The following CDH4 variants were observed in gnomAD, a reference collection of about 807,000 sequenced individuals.
The protein encoded by CDH4 is cadherin-4.
Under a neutral mutation model 86.0 loss-of-function variants are expected in CDH4, and 33 were observed. The ratio of observed to expected loss-of-function variants is 0.38; its 90% CI spans 0.29 to 0.51. The LOEUF is 0.51. Ranked by LOEUF, CDH4 falls within the 20% of genes least tolerant of loss-of-function variation. The pLI, the probability that CDH4 is intolerant of heterozygous loss-of-function variation, is 0.86. For missense variants in CDH4, 1,114 were observed against 1,307.4 expected (o/e 0.85, Z 2.28); for synonymous variants, 555 against 549.4 (o/e 1.01, Z -0.14).
At chr20:61,798,515 G>C (rs1979666807) in intron 4 of CDH4, among the ~76,000 whole-genome samples, 1 of 152,234 alleles carries the variant, frequency 6.6e-6, no homozygotes, top group Non-Finnish European at 1.5e-5. Flanking sequence ...GGGCCCCTCA[G>C]GAAGAAAACT....
intron 15 of CDH4, 143 bp from the exon 16 acceptor site, chr20:61,936,594 A>G (rs1261474343): frequency 3.7e-6 from 2 of 547,768 alleles, no homozygotes; most frequent in Non-Finnish European, 6.0e-6. Flanking sequence ...CTTCAGTTAA[A>G]TGCAGAGAGC....
chr20:61,828,571 A>T (rs1378505597), intron 4 of CDH4, among the ~76,000 whole-genome samples: 1 of 152,138 alleles, frequency 6.6e-6, no homozygotes, highest in African/African-American at 2.4e-5. Context: ...TTCGGAATCG[A>T]CTTCTTGCTC....
intron 2 of CDH4, among the ~76,000 whole-genome samples, chr20:61,366,519 G>A (rs140178119): frequency 2.3e-4 from 35 of 152,332 alleles, no homozygotes; most frequent in East Asian, 1.7e-3. Flanking sequence ...ATTTACCCAC[G>A]TATTTATTAA....
At chr20:61,908,035 C>A (rs2054809642) in intron 8 of CDH4, among the ~76,000 whole-genome samples, 1 of 152,228 alleles carries the variant, frequency 6.6e-6, no homozygotes, top group African/African-American at 2.4e-5. Flanking sequence ...TCCTACCAGA[C>A]CCAGAGCTGG....
intron 6 of CDH4, among the ~76,000 whole-genome samples, chr20:61,870,993 T>C (rs1983778856): frequency 6.6e-6 from 1 of 152,034 alleles, no homozygotes; most frequent in Non-Finnish European, 1.5e-5. Context: ...GACGCACCAG[T>C]GTATTTATCC....
chr20:61,263,203 A>G (rs1217118554), intron 2 of CDH4, among the ~76,000 whole-genome samples: 1 of 152,134 alleles, frequency 6.6e-6, no homozygotes, highest in Non-Finnish European at 1.5e-5. Flanking sequence ...GTGTCTGGCA[A>G]GCTGGGCTGG....
At chr20:61,853,425 C>G (rs548469000) in intron 6 of CDH4, among the ~76,000 whole-genome samples, 129 of 152,276 alleles carry the variant, frequency 8.5e-4, no homozygotes, top group African/African-American at 2.9e-3. Flanking sequence ...CGGACTCCCC[C>G]CACAGAGGCG....
intron 2 of CDH4, among the ~76,000 whole-genome samples, chr20:61,420,982 T>C (rs1352760054): frequency 1.3e-5 from 2 of 152,236 alleles, no homozygotes; most frequent in African/African-American, 4.8e-5. Context: ...TGGGGGATGA[T>C]AGGACAGTGA....
intron 2 of CDH4, among the ~76,000 whole-genome samples, chr20:61,385,030 G>C (rs186885986): frequency 2.4e-4 from 36 of 152,302 alleles, no homozygotes; most frequent in Middle Eastern, 3.4e-3. Flanking sequence ...CTCCAGGGAG[G>C]TTTTGCATTA....
intron 2 of CDH4, among the ~76,000 whole-genome samples, chr20:61,336,417 A>G (rs1214105744): frequency 6.6e-6 from 1 of 152,024 alleles, no homozygotes; most frequent in Non-Finnish European, 1.5e-5. Context: ...CTCCTCCACC[A>G]CAACCACCAC....
At chr20:61,299,988 C>A (rs1600847000) in intron 2 of CDH4, among the ~76,000 whole-genome samples, 1 of 152,172 alleles carries the variant, frequency 6.6e-6, no homozygotes, top group Admixed American at 6.5e-5. Flanking sequence ...GGGGCTGGAT[C>A]TCACAAGGGA....
chr20:61,643,148 CG>C (rs2087028477), intron 2 of CDH4, among the ~76,000 whole-genome samples: 1 of 151,988 alleles, frequency 6.6e-6, no homozygotes, highest in Non-Finnish European at 1.5e-5. Flanking sequence ...TGCATCTGGC[CG>C]GCTTCAGGTC....
chr20:61,923,452 C>G lies in CDH4; in HGVS notation c.1376C>G (p.Ala459Gly). Residue 459 changes from alanine (A) to glycine (G), a missense_variant and splice_region_variant, in exon 10 of 16, where the codon GCA becomes GGA. By Grantham distance (60) the Ala-to-Gly change is moderately conservative. Around this residue, in one of 3 missense-constraint regions of CDH4, gnomAD observed 705 missense variants for 914.1 expected, o/e 0.77. Transcript: ENST00000614565. Reference sequence around the variant, plus strand: ...CCCAGCCCTGATCTGTTGTTCCAGGCAGTCGACTACGAGCTCAACAGAGCT... The same window carrying G: ...CCCAGCCCTGATCTGTTGTTCCAGGGAGTCGACTACGAGCTCAACAGAGCT... ...TNEGMVTVVK[A>G]VDYELNRAFM... 6.2e-7 allele frequency: 1 copy of G among 1,614,038 alleles called. No individual in the cohort carries two copies. The highest frequency in any genetic ancestry group is 8.5e-7 in the Non-Finnish European group (1 of 1,179,954).
chr20:61,852,862 G>C lies in CDH4; in HGVS notation c.841G>C (p.Val281Leu), dbSNP rs78979746. ...CAACCGCCCTGAGTTCATCAACCAG[G>C]TCTACAACGGCTCCGTGGACGAGGG... ...NDNRPEFINQ[V>L]YNGSVDEGSK... Residue 281 changes from valine to leucine, a missense_variant, in exon 6 of 16, where the codon GTC (valine) becomes CTC (leucine). Val to Leu is a conservative substitution (Grantham distance 32). Around this residue, in one of 3 missense-constraint regions of CDH4, gnomAD observed 705 missense variants for 914.1 expected, o/e 0.77. Transcript: ENST00000614565. The C allele has an allele frequency of 1.6e-3, 2,642 of 1,614,026 alleles. 42 individuals carry two copies. The African/African-American group carries it at 0.032, about 20-fold the overall frequency.
chr20:61,721,328 G>C (rs1003837953), intron 2 of CDH4, among the ~76,000 whole-genome samples: 3 of 152,198 alleles, frequency 2.0e-5, no homozygotes, highest in African/African-American at 7.2e-5. Context: ...ATTAAGGCCA[G>C]GCATGGTTGG....
rs527534671 is a variant in CDH4 at position 61,931,247 on chromosome 20, C to T, written c.2239+1405C>T. On this transcript the variant is annotated intron_variant, in intron 13 of 15. Coordinates refer to ENST00000614565, the MANE Select transcript of CDH4 (RefSeq NM_001794.5). ...GCTTCCGTCGAGCCAAGACTAGGCC[C>T]GGGCTCCAGGCTCCAGGTTCTCACG... Among the ~76,000 whole-genome samples the T allele has an allele frequency of 2.0e-5, 3 of 152,366 alleles. No homozygotes were observed. The East Asian group carries it at 5.8e-4, about 29-fold the overall frequency.
chr20:61,549,911 C>G (rs770136664), intron 2 of CDH4, among the ~76,000 whole-genome samples: 1 of 152,176 alleles, frequency 6.6e-6, no homozygotes, highest in Non-Finnish European at 1.5e-5. Flanking sequence ...TCAGCTGCCA[C>G]CCCCCTCAGT....
chr20:61,856,539 C>A (rs1022688251), intron 6 of CDH4, among the ~76,000 whole-genome samples: 9 of 150,788 alleles, frequency 6.0e-5, no homozygotes, highest in Non-Finnish European at 1.2e-4. Context: ...CCCACCTCCC[C>A]CCGCCGGGAT....
intron 4 of CDH4, among the ~76,000 whole-genome samples, chr20:61,837,057 G>C (rs1429976231): frequency 6.6e-6 from 1 of 152,208 alleles, no homozygotes; most frequent in Non-Finnish European, 1.5e-5. Flanking sequence ...GGCCAGGTGT[G>C]GTGGTCCACA....
Sources: allele counts gnomAD v4.1 joint callset (sites outside exome capture counted in the v4.1 genomes callset), GRCh38; gene constraint gnomAD v4.1.1; regional missense constraint gnomAD v4.1.1; transcripts MANE v1.5; gene names NCBI Gene and HGNC (gene_info 2026-07-23, HGNC 2026-07-21).